The following FSHR variants were observed in gnomAD, a reference collection of about 807,000 sequenced individuals.
The protein encoded by FSHR is follicle-stimulating hormone receptor.
A neutral mutation model predicts 52.1 loss-of-function variants in FSHR; 46 were observed. The observed-to-expected ratio is 0.88, with a 90% CI of 0.70 to 1.13. FSHR has a LOEUF of 1.13. Among genes scored for constraint, FSHR ranks in the 50% most tolerant of loss-of-function variants. The pLI is 0.00. For missense variants in FSHR, 964 were observed against 834.6 expected, an observed-to-expected ratio of 1.16 and a Z score of -1.91; for synonymous variants, 399 against 309.6, an observed-to-expected ratio of 1.29 and a Z score of -3.03.
intron 1 of FSHR, among the ~76,000 whole-genome samples, chr2:49,080,775 C>A (rs748804288): frequency 6.6e-6 from 1 of 152,142 alleles, no homozygotes; most frequent in Non-Finnish European, 1.5e-5. Flanking sequence ...TGCCCAGAGA[C>A]AGCAAACAAC....
chr2:49,025,152 G>A (rs1477082689), intron 2 of FSHR, among the ~76,000 whole-genome samples: 1 of 152,140 alleles, frequency 6.6e-6, no homozygotes, highest in Non-Finnish European at 1.5e-5. Context: ...TTGTGTATTC[G>A]CACAGGAGGG....
chr2:49,114,981 C>T (rs1174745734), intron 1 of FSHR, among the ~76,000 whole-genome samples: 2 of 151,476 alleles, frequency 1.3e-5, no homozygotes, highest in Non-Finnish European at 2.9e-5. Flanking sequence ...TGGTTTAAAC[C>T]ATTTGGTTGA....
At chr2:49,105,875 A>G (rs934827206) in intron 1 of FSHR, among the ~76,000 whole-genome samples, 1 of 151,804 alleles carries the variant, frequency 6.6e-6, no homozygotes, top group Admixed American at 6.6e-5. Context: ...ACTGACTCAG[A>G]CAAGAGTTTC....
chr2:49,069,325 C>G (rs896865344), intron 1 of FSHR, among the ~76,000 whole-genome samples: 2 of 152,104 alleles, frequency 1.3e-5, no homozygotes, highest in Non-Finnish European at 2.9e-5. Flanking sequence ...GAACATTTCT[C>G]TCTCAGATAT....
At chr2:48,983,391 G>A (rs1296494154) in intron 6 of FSHR, among the ~76,000 whole-genome samples, 7 of 152,120 alleles carry the variant, frequency 4.6e-5, no homozygotes, top group Admixed American at 4.6e-4. Context: ...CCTATTCAAA[G>A]GATTAAATGA....
At chr2:48,970,816 G>GT (rs1372606911) in intron 8 of FSHR, among the ~76,000 whole-genome samples, 2 of 152,090 alleles carry the variant, frequency 1.3e-5, no homozygotes, top group Non-Finnish European at 2.9e-5. Context: ...GACTCTTCCA[G>GT]TTTCCCCTGT....
intron 1 of FSHR, among the ~76,000 whole-genome samples, chr2:49,108,033 T>C (rs1216195055): frequency 6.6e-6 from 1 of 152,152 alleles, no homozygotes; most frequent in South Asian, 2.1e-4. Flanking sequence ...AGACTAACAT[T>C]GGACTCAGTG....
chr2:49,139,552 T>C (rs1212799179), intron 1 of FSHR, among the ~76,000 whole-genome samples: 2 of 151,946 alleles, frequency 1.3e-5, no homozygotes, highest in African/African-American at 2.4e-5. Flanking sequence ...CTTGGAGAAA[T>C]GCTAAAGTGC....
intron 1 of FSHR, among the ~76,000 whole-genome samples, chr2:49,127,519 T>TACACACAC (rs72289679): frequency 2.0e-5 from 3 of 147,040 alleles, no homozygotes; most frequent in Non-Finnish European, 4.5e-5. Flanking sequence ...ACCACCACAA[T>TACACACAC]ACACACACAC....
At chr2:49,065,396 A>C (rs1279225257) in intron 2 of FSHR, among the ~76,000 whole-genome samples, 1 of 152,080 alleles carries the variant, frequency 6.6e-6, no homozygotes, top group African/African-American at 2.4e-5. Context: ...AGGACTGGAT[A>C]TCAGAGTACA....
chr2:49,004,098 T>G (rs1035086912), intron 4 of FSHR, among the ~76,000 whole-genome samples: 2 of 152,222 alleles, frequency 1.3e-5, no homozygotes, highest in African/African-American at 4.8e-5. Context: ...TCATTCTGTC[T>G]GTGCCCCAGG....
At chr2:48,983,693 C>T (rs554351260) in intron 6 of FSHR, among the ~76,000 whole-genome samples, 2 of 152,314 alleles carry the variant, frequency 1.3e-5, no homozygotes, top group South Asian at 4.1e-4. Flanking sequence ...TGAACATCTC[C>T]TGTGACCCAT....
At chr2:49,088,918 T>C (rs1218745723) in intron 1 of FSHR, among the ~76,000 whole-genome samples, 1 of 152,192 alleles carries the variant, frequency 6.6e-6, no homozygotes, top group Non-Finnish European at 1.5e-5. Flanking sequence ...TTCACACATT[T>C]AATCAGAAAA....
At chr2:49,042,887 A>G (rs1205107139) in intron 2 of FSHR, among the ~76,000 whole-genome samples, 1 of 152,226 alleles carries the variant, frequency 6.6e-6, no homozygotes, top group African/African-American at 2.4e-5. Context: ...GCTATAGTGT[A>G]TGTCACCCAT....
intron 1 of FSHR, among the ~76,000 whole-genome samples, chr2:49,111,070 C>T (rs1302854841): frequency 6.6e-6 from 1 of 152,156 alleles, no homozygotes; most frequent in African/African-American, 2.4e-5. Context: ...TGACTGGAGG[C>T]AGAAACCCCT....
intron 1 of FSHR, among the ~76,000 whole-genome samples, chr2:49,122,368 C>T (rs976996689): frequency 4.6e-5 from 7 of 152,198 alleles, no homozygotes; most frequent in Non-Finnish European, 7.3e-5. Context: ...AATGGATTCA[C>T]GGAGTGACAA....
At chr2:49,016,986 G>A (rs1157907343) in intron 4 of FSHR, among the ~76,000 whole-genome samples, 2 of 152,286 alleles carry the variant, frequency 1.3e-5, no homozygotes, top group East Asian at 3.9e-4. Context: ...TGCTTTTGCT[G>A]ATAGGGGCAG....
intron 5 of FSHR, 30 bp downstream of exon 5, chr2:48,990,536 A>C: frequency 7.1e-7 from 1 of 1,399,504 alleles, no homozygotes; most frequent in East Asian, 2.3e-5. Flanking sequence ...CTGAGTAAAG[A>C]GTTGGTAGTC....
intron 1 of FSHR, among the ~76,000 whole-genome samples, chr2:49,083,390 C>G (rs1379173989): frequency 6.6e-6 from 1 of 151,734 alleles, no homozygotes; most frequent in Non-Finnish European, 1.5e-5. Context: ...ACTGCAAAAT[C>G]ATGCCAAATG....
Sources: allele counts gnomAD v4.1 joint callset (sites outside exome capture counted in the v4.1 genomes callset), GRCh38; gene constraint gnomAD v4.1.1; transcripts MANE v1.5; gene names NCBI Gene and HGNC (gene_info 2026-07-23, HGNC 2026-07-21).